The following LDHC variants were observed in gnomAD, a reference collection of about 807,000 sequenced individuals.
LDHC encodes the protein lactate dehydrogenase C, also known as L-lactate dehydrogenase C chain.
Under a neutral mutation model 30.2 loss-of-function variants are expected in LDHC, and 20 were observed. The observed-to-expected ratio is 0.66, with a 90% confidence interval of 0.47 to 0.96. LDHC has a LOEUF of 0.96. Ranked by LOEUF, LDHC falls within the 40% of genes least tolerant of loss-of-function variation. The probability of loss-of-function intolerance (pLI) is 0.00; values close to 1 mark genes in which losing one functional copy is unlikely to be tolerated. For synonymous variants in LDHC, 139 were observed against 132.7 expected, an observed-to-expected ratio of 1.05 and a Z score of -0.32; for missense variants, 362 against 394.9, an observed-to-expected ratio of 0.92 and a Z score of 0.71.
chr11:18,417,502 T>G (rs758378430), intron 3 of LDHC, among the ~76,000 whole-genome samples: 1 of 152,146 alleles, frequency 6.6e-6, no homozygotes, highest in Admixed American at 6.6e-5. Flanking sequence ...CAGGTGATCC[T>G]CCCACCTCAC....
At chr11:18,443,614 C>T (rs1001815615) in intron 6 of LDHC, among the ~76,000 whole-genome samples, 4 of 152,040 alleles carry the variant, frequency 2.6e-5, no homozygotes, top group African/African-American at 9.7e-5. Flanking sequence ...TGCATGCCAC[C>T]ATGCCTGGCC....
intron 3 of LDHC, among the ~76,000 whole-genome samples, chr11:18,427,030 A>G (rs1848172554): frequency 6.6e-6 from 1 of 152,210 alleles, no homozygotes. Context: ...ATATTAACTC[A>G]CTGAGTTATC....
chr11:18,435,190 A>T (rs16935424), intron 5 of LDHC, among the ~76,000 whole-genome samples: 23,235 of 152,026 alleles, frequency 0.15, 2,003 homozygotes, highest in African/African-American at 0.23. Flanking sequence ...GTGATTTTTT[A>T]AAACAGCTTT....
chr11:18,434,251 G>A (rs747732694), intron 4 of LDHC, among the ~76,000 whole-genome samples: 17 of 147,356 alleles, frequency 1.2e-4, no homozygotes, highest in African/African-American at 2.3e-4. Context: ...ATTGGGCTTC[G>A]CCTTTCTCTG....
In LDHC at chr11:18,421,179, G is replaced by C. The variant is rs141042178; in HGVS notation, c.244+5878G>C. On this transcript the variant is annotated intron_variant, in intron 3 of 7. Transcript: ENST00000541669. ...AGTGATTCTCCTGCCTCAGCCTCTC[G>C]AGTAGCTGAAATTACAGGCACACAC... Among the ~76,000 whole-genome samples, 6 of 151,992 alleles carry C rather than the reference G, an allele frequency of 3.9e-5. No individual in the cohort carries two copies. In the South Asian group the frequency reaches 1.2e-3, roughly 32 times the overall value.
rs1219192738 is a variant in LDHC, at chr11:18,446,728, A to T, written c.834+395A>T. Among the ~76,000 whole-genome samples the T allele has an allele frequency of 2.0e-5, 3 of 152,136 alleles. No homozygotes were observed. The East Asian group carries it at 5.8e-4, about 29-fold the overall frequency. ...TTCTCTTGGCTCATCTTTTTCCTCT[A>T]TTGGCTTCCAACTCATGCAGACTTT... On this transcript the variant is annotated intron_variant, in intron 7 of 7. Coordinates refer to ENST00000541669, the MANE Select transcript of LDHC (RefSeq NM_017448.5).
rs181156637 is a variant in LDHC, at chr11:18,435,153, C to G, written c.592+240C>G. The stretch of plus-strand genomic sequence containing the variant: ...TTTAATAGTCAATATGAGTGTTTCT[C>G]TTATCTGTAATACTTTTTTATTTAT... On this transcript the variant is annotated intron_variant, in intron 5 of 7. Coordinates refer to ENST00000541669, the MANE Select transcript of LDHC (RefSeq NM_017448.5). 8.4e-4 allele frequency among the ~76,000 whole-genome samples: 128 copies of G among 152,224 alleles called. No individual in the cohort carries two copies. In the Middle Eastern group the frequency reaches 0.01, roughly 12 times the overall value.
In LDHC at chr11:18,438,510, G is replaced by T; in HGVS notation, c.593-18G>T. 6.7e-7 allele frequency: 1 copy of T among 1,488,876 alleles called. No homozygotes were observed. The highest frequency in any genetic ancestry group is 1.1e-5 in the South Asian group (1 of 87,404). The allele number at this position is 1,488,876 out of a possible 1,614,324, so 92.2% of individuals were successfully genotyped here. A position where few individuals can be genotyped will look rare whatever the true frequency, so the allele number is the denominator to read the frequency against. On this transcript the variant is annotated intron_variant, in intron 5 of 7. Coordinates refer to ENST00000541669, the MANE Select transcript of LDHC (RefSeq NM_017448.5). ...CATATTGGGAAGAAGAGTTTATTTT[G>T]AGATCTGTATTTTTTAGTGCCCTTA...
intron 3 of LDHC, among the ~76,000 whole-genome samples, chr11:18,422,519 A>C (rs917274087): frequency 1.1e-4 from 16 of 150,772 alleles, no homozygotes; most frequent in South Asian, 2.1e-4. Context: ...GTGGCAGTGC[A>C]CTCCAGCCTG....
intron 3 of LDHC, among the ~76,000 whole-genome samples, chr11:18,422,996 A>ACAAC (rs1554963441): frequency 8.5e-6 from 1 of 118,076 alleles, no homozygotes; most frequent in Non-Finnish European, 2.0e-5. Context: ...AAAAAAAAGA[A>ACAAC]AACAACAAAA....
At chr11:18,450,301 C>A (rs574501479) in intron 7 of LDHC, 266 of 152,798 alleles carry the variant, frequency 1.7e-3, no homozygotes, top group Non-Finnish European at 2.8e-3. Context: ...AGGGCAGTGC[C>A]ATGGGGCTGC....
chr11:18,427,677 ATTT>A lies in LDHC; in HGVS notation c.245-2044_245-2042del, dbSNP rs34480310. On this transcript the variant is annotated intron_variant, in intron 3 of 7. Transcript: ENST00000541669. Reference sequence around the variant, plus strand: ...GCTAGTAAAGATGATTTGGAGCCAGATTTTTTTTTTTTTTTTTTGAGATGGAGT... The same window carrying A: ...GCTAGTAAAGATGATTTGGAGCCAGATTTTTTTTTTTTTTTGAGATGGAGT... Among the ~76,000 whole-genome samples the A allele has an allele frequency of 5.4e-3, 698 of 129,910 alleles. 5 individuals are homozygous for A. Among genetic ancestry groups the A allele is most frequent in the African/African-American group, 0.017 (604 of 35,306 alleles). The allele number at this position is 129,910 out of a possible 152,430, so 85.2% of individuals were successfully genotyped here.
rs756100237 is a variant in LDHC at position 18,438,519 on chromosome 11, A to AT, written c.593-3dup. 5 of 1,559,294 alleles carry AT rather than the reference A, an allele frequency of 3.2e-6. No individual in the cohort carries two copies. The Admixed American group carries it at 6.7e-5, about 21-fold the overall frequency. On this transcript the variant is annotated splice_polypyrimidine_tract_variant and intron_variant, in intron 5 of 7. Coordinates refer to ENST00000541669, the MANE Select transcript of LDHC (RefSeq NM_017448.5). The stretch of plus-strand genomic sequence containing the variant: ...AAGAAGAGTTTATTTTGAGATCTGT[A>AT]TTTTTTAGTGCCCTTATGGAGTGGG...
intron 6 of LDHC, among the ~76,000 whole-genome samples, chr11:18,445,006 A>G (rs1242475822): frequency 6.6e-6 from 1 of 152,040 alleles, no homozygotes; most frequent in Non-Finnish European, 1.5e-5. Context: ...TTTGTATAAA[A>G]ATTTATATTT....
chr11:18,440,691 G>A (rs1848449433), intron 6 of LDHC, among the ~76,000 whole-genome samples: 1 of 152,242 alleles, frequency 6.6e-6, no homozygotes, highest in East Asian at 1.9e-4. Context: ...CCCTTTGGGA[G>A]GCTGAGGTAG....
chr11:18,420,409 G>C (rs761276269), intron 3 of LDHC, among the ~76,000 whole-genome samples: 5 of 152,104 alleles, frequency 3.3e-5, no homozygotes, highest in Admixed American at 6.6e-5. Flanking sequence ...CTTAAAAATT[G>C]TCAGAGAGAA....
At chr11:18,434,993 G>T in intron 5 of LDHC, 80 bp downstream of exon 5, 1 of 936,756 alleles carries the variant, frequency 1.1e-6, no homozygotes, top group Non-Finnish European at 1.6e-6. Flanking sequence ...TTTTTTCCCT[G>T]ATATTAATAT....
chr11:18,437,590 A>G (rs2133838450), intron 5 of LDHC, among the ~76,000 whole-genome samples: 1 of 152,180 alleles, frequency 6.6e-6, no homozygotes, highest in Middle Eastern at 3.4e-3. Context: ...GTCTCTACTA[A>G]AAATACAAAA....
intron 3 of LDHC, among the ~76,000 whole-genome samples, chr11:18,415,984 G>A (rs975715647): frequency 1.3e-5 from 2 of 152,088 alleles, no homozygotes; most frequent in Admixed American, 6.6e-5. Context: ...TGTGAGCTGC[G>A]GTGCCCAGCC....
Sources: allele counts gnomAD v4.1 joint callset (sites outside exome capture counted in the v4.1 genomes callset), GRCh38; gene constraint gnomAD v4.1.1; transcripts MANE v1.5; gene names NCBI Gene and HGNC (gene_info 2026-07-23, HGNC 2026-07-21).